Variants in SORCS1 observed in about 807,000 individuals in gnomAD.
SORCS1 encodes the protein VPS10 domain-containing receptor SorCS1.
A neutral mutation model predicts 146.1 loss-of-function variants in SORCS1; 60 were observed. The observed-to-expected ratio is 0.41, with a 90% confidence interval of 0.33 to 0.51. SORCS1 has a LOEUF of 0.51. Among genes scored for constraint, SORCS1 ranks in the 20% least tolerant of loss-of-function variants. SORCS1 has a pLI of 0.21. For synonymous variants in SORCS1, 637 were observed against 584.0 expected (o/e 1.09, Z -1.31); for missense variants, 1,352 against 1,487.6 (o/e 0.91, Z 1.50).
intron 1 of SORCS1, among the ~76,000 whole-genome samples, chr10:107,078,271 G>A (rs1469515934): frequency 6.6e-6 from 1 of 152,142 alleles, no homozygotes; most frequent in African/African-American, 2.4e-5. Context: ...GAGGTTCCAT[G>A]CTGGAGTAGT....
At chr10:107,054,943 T>A (rs1288755220) in intron 1 of SORCS1, among the ~76,000 whole-genome samples, 1 of 152,174 alleles carries the variant, frequency 6.6e-6, no homozygotes, top group Non-Finnish European at 1.5e-5. Flanking sequence ...GCCTAATAAG[T>A]GTTGGCCACT....
intron 3 of SORCS1, among the ~76,000 whole-genome samples, chr10:106,802,079 C>T (rs901041503): frequency 1.3e-5 from 2 of 152,146 alleles, no homozygotes; most frequent in Non-Finnish European, 2.9e-5. Context: ...TAAGCCACTG[C>T]TTTATATTAT....
At chr10:106,826,476 T>A (rs559679087) in intron 3 of SORCS1, among the ~76,000 whole-genome samples, 157 of 152,370 alleles carry the variant, frequency 1.0e-3, no homozygotes, top group African/African-American at 3.6e-3. Flanking sequence ...GAAATTTCTT[T>A]CTTTTTGTTT....
Position 106,991,151 on chromosome 10 carries a change from G to A in SORCS1, c.559-34571C>T, listed in dbSNP as rs74152299. Among the ~76,000 whole-genome samples, 218 of 152,256 alleles carry A rather than the reference G, an allele frequency of 1.4e-3. 1 individual carries two copies. The highest frequency in any genetic ancestry group is 5.0e-3 in the African/African-American group (208 of 41,534). ...TAGAACTTTATGTTCCATTGCCTTCGACTTACATTTTATATTTGACACGGA... is the reference window on the plus strand; with the variant it reads ...TAGAACTTTATGTTCCATTGCCTTCAACTTACATTTTATATTTGACACGGA... On this transcript the variant is annotated intron_variant, in intron 1 of 25. Coordinates refer to ENST00000263054, the MANE Select transcript of SORCS1 (RefSeq NM_052918.5).
chr10:106,852,506 T>TA (rs753083044), intron 2 of SORCS1, among the ~76,000 whole-genome samples: 7 of 151,538 alleles, frequency 4.6e-5, no homozygotes, highest in Non-Finnish European at 7.4e-5. Context: ...TGCACGCCTG[T>TA]AGTCCCAGCT....
At chr10:106,623,460 G>C (rs916284694) in intron 19 of SORCS1, among the ~76,000 whole-genome samples, 1 of 152,042 alleles carries the variant, frequency 6.6e-6, no homozygotes, top group African/African-American at 2.4e-5. Flanking sequence ...TGGCCAGGCT[G>C]GTCTCGAACT....
intron 3 of SORCS1, among the ~76,000 whole-genome samples, chr10:106,792,982 T>C (rs1454824593): frequency 6.6e-6 from 1 of 152,044 alleles, no homozygotes; most frequent in African/African-American, 2.4e-5. Flanking sequence ...ATTCATTTCA[T>C]TTTTTTTAAA....
Position 107,132,785 on chromosome 10 carries a change from G to A in SORCS1, c.558+31184C>T, listed in dbSNP as rs543805584. 1.3e-4 allele frequency among the ~76,000 whole-genome samples: 20 copies of A among 152,108 alleles called. No individual in the cohort carries two copies. In the South Asian group the frequency reaches 3.7e-3, roughly 28 times the overall value. ...TAACCAGATTCACTAAGATTACCACGTTCAACAGCCCCGTTGTTACTCTAT... is the reference window on the plus strand; with the variant it reads ...TAACCAGATTCACTAAGATTACCACATTCAACAGCCCCGTTGTTACTCTAT... On this transcript the variant is annotated intron_variant, in intron 1 of 25. Coordinates refer to ENST00000263054, the MANE Select transcript of SORCS1 (RefSeq NM_052918.5).
chr10:106,714,862 T>C (rs1564889583), intron 6 of SORCS1, among the ~76,000 whole-genome samples: 1 of 152,178 alleles, frequency 6.6e-6, no homozygotes, highest in East Asian at 1.9e-4. Context: ...ATGCCTCATA[T>C]TGCTGTTGAG....
chr10:107,034,689 A>AAACAAAC (rs1284688364), intron 1 of SORCS1, among the ~76,000 whole-genome samples: 25 of 143,974 alleles, frequency 1.7e-4, no homozygotes, highest in Admixed American at 3.6e-4. Context: ...TCAAAAAAAA[A>AAACAAAC]AAAAAAAAAA....
rs148091941 is a variant in SORCS1 at position 106,998,668 on chromosome 10, C to T, written c.559-42088G>A. ...GGCAGAATGCCATCCCCTTTCATTT[C>T]TCCAGTAAATCAAACTGAATTATTC... On this transcript the variant is annotated intron_variant, in intron 1 of 25. Transcript: ENST00000263054. Among the ~76,000 whole-genome samples the T allele has an allele frequency of 5.5e-3, 832 of 152,332 alleles. 5 individuals are homozygous for T. Among genetic ancestry groups the T allele is most frequent in the Middle Eastern group, 0.034 (10 of 294 alleles).
intron 17 of SORCS1, among the ~76,000 whole-genome samples, chr10:106,666,604 TG>T (rs1564835660): frequency 6.6e-6 from 1 of 151,346 alleles, no homozygotes. Context: ...TCACCCAGGC[TG>T]GAGTGCAGTG....
intron 2 of SORCS1, among the ~76,000 whole-genome samples, chr10:106,859,443 G>C (rs1282831180): frequency 6.6e-6 from 1 of 152,146 alleles, no homozygotes; most frequent in East Asian, 1.9e-4. Flanking sequence ...CACCAGGCTG[G>C]AGTGTGGCGG....
At chr10:106,589,005 A>C (rs1845428948) in intron 24 of SORCS1, among the ~76,000 whole-genome samples, 2 of 152,170 alleles carry the variant, frequency 1.3e-5, no homozygotes, top group African/African-American at 4.8e-5. Flanking sequence ...ACGTTTGAGA[A>C]CAGCTGCTAT....
chr10:107,088,067 C>T (rs1963893798), intron 1 of SORCS1, among the ~76,000 whole-genome samples: 1 of 151,888 alleles, frequency 6.6e-6, no homozygotes, highest in Non-Finnish European at 1.5e-5. Context: ...TACAGGCACC[C>T]ACCACCACGC....
chr10:106,620,201 TA>T, intron 20 of SORCS1: 1 of 449,950 alleles, frequency 2.2e-6, no homozygotes, highest in Non-Finnish European at 3.8e-6. Context: ...GAGAAAAACG[TA>T]AACATAGAGG....
chr10:106,921,746 G>A (rs1952723176), intron 2 of SORCS1, among the ~76,000 whole-genome samples: 1 of 152,132 alleles, frequency 6.6e-6, no homozygotes, highest in African/African-American at 2.4e-5. Context: ...AACTCTGTCG[G>A]TATTAATGCT....
chr10:106,796,190 A>C (rs74152243), intron 3 of SORCS1, among the ~76,000 whole-genome samples: 2,215 of 152,228 alleles, frequency 0.015, 44 homozygotes, highest in African/African-American at 0.05. Flanking sequence ...TATTTTTTAA[A>C]ATGTCTGCAC....
chr10:106,712,143 T>C (rs1448539035), intron 6 of SORCS1, among the ~76,000 whole-genome samples: 1 of 152,220 alleles, frequency 6.6e-6, no homozygotes, highest in Non-Finnish European at 1.5e-5. Context: ...TTGAATCAGA[T>C]GCCACAGCTG....
Sources: gnomAD v4.1 joint callset for allele counts (sites outside exome capture counted in the v4.1 genomes callset) on GRCh38, gnomAD v4.1.1 for gene constraint, MANE v1.5 for transcripts, NCBI Gene and HGNC (gene_info 2026-07-23, HGNC 2026-07-21) for gene names.